WDR70: variants seen among roughly 807,000 people sequenced by gnomAD.
The protein encoded by WDR70 is WD repeat domain 70.
A neutral mutation model predicts 88.6 loss-of-function variants in WDR70; 53 were observed. The ratio of observed to expected loss-of-function variants is 0.60; its 90% CI spans 0.48 to 0.75. WDR70 has a LOEUF of 0.75. WDR70 is among the 30% of genes least tolerant of loss of function. The pLI is 0.00. For synonymous variants in WDR70, 280 were observed against 270.0 expected, an observed-to-expected ratio of 1.04 and a Z score of -0.36; for missense variants, 610 against 823.2, an observed-to-expected ratio of 0.74 and a Z score of 3.17.
chr5:37,389,028 C>T (rs73068464), intron 3 of WDR70, among the ~76,000 whole-genome samples: 7 of 151,688 alleles, frequency 4.6e-5, no homozygotes, highest in Non-Finnish European at 8.8e-5. Flanking sequence ...GCTGCCACCC[C>T]CCGAGGTCTG....
chr5:37,633,151 C>T (rs967108491), intron 10 of WDR70, among the ~76,000 whole-genome samples: 10 of 152,066 alleles, frequency 6.6e-5, no homozygotes, highest in African/African-American at 1.2e-4. Flanking sequence ...AATCATCTAA[C>T]GAACACATTT....
intron 6 of WDR70, among the ~76,000 whole-genome samples, chr5:37,440,427 C>T (rs1210896732): frequency 6.6e-6 from 1 of 152,148 alleles, no homozygotes; most frequent in Non-Finnish European, 1.5e-5. Context: ...CTCACTGCAG[C>T]CTCCACCTCC....
At chr5:37,412,388 A>T (rs1415584411) in intron 5 of WDR70, among the ~76,000 whole-genome samples, 3 of 152,084 alleles carry the variant, frequency 2.0e-5, no homozygotes, top group Admixed American at 1.3e-4. Context: ...ACTCCATCTC[A>T]AAGCAAAACA....
chr5:37,402,379 A>C (rs988015988), intron 5 of WDR70, among the ~76,000 whole-genome samples: 2 of 151,478 alleles, frequency 1.3e-5, no homozygotes, highest in Non-Finnish European at 1.5e-5. Flanking sequence ...GGTTGATTCC[A>C]TATCTTGGTC....
At chr5:37,409,887 C>T (rs970581958) in intron 5 of WDR70, among the ~76,000 whole-genome samples, 30 of 152,154 alleles carry the variant, frequency 2.0e-4, no homozygotes, top group Admixed American at 2.0e-3. Context: ...ATTCATTCCT[C>T]AGTTAGCAGT....
At chr5:37,718,859 G>A (rs1283310297) in intron 13 of WDR70, among the ~76,000 whole-genome samples, 7 of 152,080 alleles carry the variant, frequency 4.6e-5, no homozygotes, top group African/African-American at 1.7e-4. Flanking sequence ...TGAGATCTTT[G>A]CCCATGAAAT....
At chr5:37,536,903 A>G (rs1741684602) in intron 9 of WDR70, among the ~76,000 whole-genome samples, 1 of 152,028 alleles carries the variant, frequency 6.6e-6, no homozygotes, top group Non-Finnish European at 1.5e-5. Context: ...TGGACTTTGG[A>G]ACAGAGATAC....
At chr5:37,585,072 C>T (rs1191157077) in intron 9 of WDR70, among the ~76,000 whole-genome samples, 1 of 149,460 alleles carries the variant, frequency 6.7e-6, no homozygotes, top group African/African-American at 2.5e-5. Context: ...CTCACTGCAA[C>T]CTCTGCCTCC....
chr5:37,462,462 C>T (rs1739035827), intron 7 of WDR70, among the ~76,000 whole-genome samples: 3 of 152,140 alleles, frequency 2.0e-5, no homozygotes, highest in Non-Finnish European at 4.4e-5. Context: ...GCCATGACGC[C>T]TGGCTAATTT....
chr5:37,574,290 A>G (rs1742994167), intron 9 of WDR70, among the ~76,000 whole-genome samples: 2 of 152,176 alleles, frequency 1.3e-5, no homozygotes, highest in East Asian at 3.8e-4. Context: ...AGCAGATCCT[A>G]AGGTGTTAAC....
intron 10 of WDR70, among the ~76,000 whole-genome samples, chr5:37,626,239 A>G (rs1744661706): frequency 1.3e-5 from 2 of 152,012 alleles, no homozygotes; most frequent in South Asian, 4.2e-4. Flanking sequence ...ATAAGATGTC[A>G]TTTGTGGGTT....
At chr5:37,595,154 C>T (rs1490653889) in intron 9 of WDR70, among the ~76,000 whole-genome samples, 1 of 152,156 alleles carries the variant, frequency 6.6e-6, no homozygotes, top group East Asian at 1.9e-4. Flanking sequence ...CCTGATTGCC[C>T]TGGCCAGAAC....
In WDR70 at chr5:37,675,924, T is replaced by C. The variant is rs567584381; in HGVS notation, c.1093-21731T>C. On this transcript the variant is annotated intron_variant, in intron 10 of 17. Coordinates refer to ENST00000265107, the MANE Select transcript of WDR70 (RefSeq NM_018034.4). ...GTTTATTTCATGGAGCAGTGGTTTG[T>C]AGTTCTCCTTGAAGAGGTCCTTCAC... 8.0e-4 allele frequency among the ~76,000 whole-genome samples: 122 copies of C among 152,242 alleles called. 1 individual carries two copies. Among genetic ancestry groups the C allele is most frequent in the African/African-American group, 2.9e-3 (120 of 41,494 alleles).
intron 17 of WDR70, among the ~76,000 whole-genome samples, chr5:37,741,507 A>C (rs1357022250): frequency 6.6e-6 from 1 of 152,050 alleles, no homozygotes; most frequent in Non-Finnish European, 1.5e-5. Flanking sequence ...TTGGGATGAA[A>C]CTGTTCCACC....
intron 7 of WDR70, among the ~76,000 whole-genome samples, chr5:37,453,231 G>C (rs1438434590): frequency 6.6e-6 from 1 of 152,162 alleles, no homozygotes; most frequent in Non-Finnish European, 1.5e-5. Flanking sequence ...CACACACACA[G>C]AAATATAGAG....
intron 10 of WDR70, among the ~76,000 whole-genome samples, chr5:37,691,301 A>G (rs772380175): frequency 3.9e-5 from 6 of 152,206 alleles, no homozygotes; most frequent in Non-Finnish European, 8.8e-5. Context: ...TGTTAGATCA[A>G]TGAGACAGAA....
In WDR70 at chr5:37,729,295, GC is replaced by G. The variant is rs562740266; in HGVS notation, c.1877+2251del. 6.6e-3 allele frequency among the ~76,000 whole-genome samples: 1,006 copies of G among 152,244 alleles called. 9 individuals are homozygous for G. Among genetic ancestry groups the G allele is most frequent in the Middle Eastern group, 0.01 (3 of 294 alleles). On this transcript the variant is annotated intron_variant, in intron 17 of 17. Coordinates refer to ENST00000265107, the MANE Select transcript of WDR70 (RefSeq NM_018034.4). ...TGTGCTGGATGTGCTCCTTGCTACT[GC>G]AGTGCCATTGCTTCTAGGTCCTTTC...
At chr5:37,448,076 T>C (rs1231232972) in intron 7 of WDR70, among the ~76,000 whole-genome samples, 1 of 152,360 alleles carries the variant, frequency 6.6e-6, no homozygotes, top group East Asian at 1.9e-4. Flanking sequence ...GGGCTGGTGG[T>C]GATAAATGAG....
intron 6 of WDR70, among the ~76,000 whole-genome samples, chr5:37,438,235 A>G (rs189837980): frequency 6.6e-6 from 1 of 152,300 alleles, no homozygotes; most frequent in Non-Finnish European, 1.5e-5. Context: ...TAGGAACATT[A>G]TAAGTGGAAG....
Sources: allele counts gnomAD v4.1 joint callset (sites outside exome capture counted in the v4.1 genomes callset), GRCh38; gene constraint gnomAD v4.1.1; transcripts MANE v1.5; gene names NCBI Gene and HGNC (gene_info 2026-07-23, HGNC 2026-07-21).